Variants in ARHGAP15 observed in about 807,000 individuals in gnomAD.
ARHGAP15 encodes the protein Rho GTPase activating protein 15, also known as rho GTPase-activating protein 15.
ARHGAP15 carries 51 observed loss-of-function variants against 63.7 expected under a neutral mutation model. The ratio of observed to expected loss-of-function variants is 0.80; its 90% confidence interval spans 0.64 to 1.01. The LOEUF (loss-of-function observed/expected upper bound fraction) is 1.01. Among genes scored for constraint, ARHGAP15 ranks in the 50% least tolerant of loss-of-function variants. ARHGAP15 has a pLI of 0.00. For synonymous variants in ARHGAP15, 191 were observed against 193.8 expected, an observed-to-expected ratio of 0.99 and a Z score of 0.12; for missense variants, 560 against 564.6, an observed-to-expected ratio of 0.99 and a Z score of 0.08.
At chr2:143,480,021 T>TCACTATGAAA (rs1692001742) in intron 8 of ARHGAP15, among the ~76,000 whole-genome samples, 2 of 152,126 alleles carry the variant, frequency 1.3e-5, no homozygotes, top group Non-Finnish European at 2.9e-5. Flanking sequence ...TTAAAAGTAC[T>TCACTATGAAA]CACTATGAAA....
At chr2:143,425,298 A>G (rs1198839895) in intron 6 of ARHGAP15, among the ~76,000 whole-genome samples, 1 of 152,040 alleles carries the variant, frequency 6.6e-6, no homozygotes, top group Non-Finnish European at 1.5e-5. Flanking sequence ...TTATTTTAAT[A>G]AAAATACCAT....
rs982254480 is a variant in ARHGAP15, at chr2:143,387,853, G to A, written c.475-47748G>A. Among the ~76,000 whole-genome samples, 16 of 147,904 alleles carry A rather than the reference G, an allele frequency of 1.1e-4. No individual in the cohort carries two copies. The East Asian group carries it at 1.2e-3, about 11-fold the overall frequency. On this transcript the variant is annotated intron_variant, in intron 6 of 13. Coordinates refer to ENST00000295095, the MANE Select transcript of ARHGAP15 (RefSeq NM_018460.4). ...CACACGCATGCAAGCACACACACACGCATGGACGCACATACACATACACGC... is the reference window on the plus strand; with the variant it reads ...CACACGCATGCAAGCACACACACACACATGGACGCACATACACATACACGC...
rs987200010 is a variant in ARHGAP15, at chr2:143,450,915, G to T, written c.703+13873G>T. Reference sequence around the variant, plus strand: ...TTTGAAACCCAACAGTTTAAACTTGGTTCTTATTTCAGTGGGCTAATCCCC... The same window carrying T: ...TTTGAAACCCAACAGTTTAAACTTGTTTCTTATTTCAGTGGGCTAATCCCC... On this transcript the variant is annotated intron_variant, in intron 8 of 13. Coordinates refer to ENST00000295095, the MANE Select transcript of ARHGAP15 (RefSeq NM_018460.4). Among the ~76,000 whole-genome samples, 20 of 151,954 alleles carry T rather than the reference G, an allele frequency of 1.3e-4. 1 individual carries two copies. The highest frequency in any genetic ancestry group is 9.2e-4 in the Admixed American group (14 of 15,200).
At chr2:143,204,044 C>T (rs1032243791) in intron 3 of ARHGAP15, among the ~76,000 whole-genome samples, 2 of 152,108 alleles carry the variant, frequency 1.3e-5, no homozygotes, top group Non-Finnish European at 2.9e-5. Context: ...TCAGTCAAAA[C>T]ACTAAAAGTC....
chr2:143,691,648 A>G (rs1683605685), intron 12 of ARHGAP15, among the ~76,000 whole-genome samples: 1 of 152,182 alleles, frequency 6.6e-6, no homozygotes, highest in Non-Finnish European at 1.5e-5. Flanking sequence ...CATTATCTAA[A>G]TGGGAATGAG....
At chr2:143,443,487 AC>A (rs1357717537) in intron 8 of ARHGAP15, among the ~76,000 whole-genome samples, 1 of 151,610 alleles carries the variant, frequency 6.6e-6, no homozygotes, top group Non-Finnish European at 1.5e-5. Flanking sequence ...TTTATTCAAA[AC>A]CCTCTTGAGA....
intron 12 of ARHGAP15, among the ~76,000 whole-genome samples, chr2:143,636,376 A>G (rs922852171): frequency 6.6e-6 from 1 of 152,154 alleles, no homozygotes; most frequent in Non-Finnish European, 1.5e-5. Context: ...GGAAATTTCT[A>G]TGTGCTTGTG....
chr2:143,762,616 T>C (rs571189922), intron 13 of ARHGAP15, among the ~76,000 whole-genome samples: 6 of 152,298 alleles, frequency 3.9e-5, no homozygotes, highest in South Asian at 2.1e-4. Context: ...TTTCTTCATA[T>C]ACACTCTTCA....
At chr2:143,244,136 C>G (rs1452884245) in intron 5 of ARHGAP15, among the ~76,000 whole-genome samples, 1 of 152,084 alleles carries the variant, frequency 6.6e-6, no homozygotes, top group Non-Finnish European at 1.5e-5. Context: ...AGATATTTTT[C>G]ATTGTCATTC....
chr2:143,599,581 A>C (rs1175772899), intron 11 of ARHGAP15, among the ~76,000 whole-genome samples: 1 of 152,158 alleles, frequency 6.6e-6, no homozygotes, highest in Non-Finnish European at 1.5e-5. Flanking sequence ...ACACAACGAA[A>C]ATATTGTCAA....
chr2:143,736,899 C>A (rs1685766683), intron 13 of ARHGAP15, among the ~76,000 whole-genome samples: 1 of 152,144 alleles, frequency 6.6e-6, no homozygotes, highest in Admixed American at 6.5e-5. Context: ...CAGATCTATC[C>A]CTACCCTCAG....
intron 8 of ARHGAP15, among the ~76,000 whole-genome samples, chr2:143,467,660 T>C (rs986306620): frequency 2.6e-5 from 4 of 152,090 alleles, no homozygotes; most frequent in Non-Finnish European, 5.9e-5. Context: ...ATAGATATAA[T>C]ACATAATTCA....
intron 6 of ARHGAP15, among the ~76,000 whole-genome samples, chr2:143,313,640 T>C (rs897227678): frequency 6.6e-6 from 1 of 152,210 alleles, no homozygotes; most frequent in African/African-American, 2.4e-5. Flanking sequence ...TAGATGTTTG[T>C]AACATAACGA....
chr2:143,610,576 G>A (rs1350883308), intron 11 of ARHGAP15, among the ~76,000 whole-genome samples: 1 of 152,132 alleles, frequency 6.6e-6, no homozygotes, highest in Non-Finnish European at 1.5e-5. Context: ...AACAACCCAT[G>A]TGTTTCATTC....
chr2:143,566,491 T>C (rs1696228652), intron 11 of ARHGAP15, among the ~76,000 whole-genome samples: 1 of 152,018 alleles, frequency 6.6e-6, no homozygotes, highest in South Asian at 2.1e-4. Flanking sequence ...TTGCAATCTA[T>C]CAGCTAAGAA....
chr2:143,392,457 T>C (rs932384599), intron 6 of ARHGAP15, among the ~76,000 whole-genome samples: 31 of 152,208 alleles, frequency 2.0e-4, no homozygotes, highest in African/African-American at 7.5e-4. Flanking sequence ...TTTAAAATCC[T>C]ATACATACAA....
At chr2:143,608,689 T>C (rs1429238744) in intron 11 of ARHGAP15, 3 of 152,314 alleles carry the variant, frequency 2.0e-5, no homozygotes, top group East Asian at 3.9e-4. Context: ...AGCCGACTAA[T>C]AAATAAATAA....
intron 1 of ARHGAP15, among the ~76,000 whole-genome samples, chr2:143,137,513 T>C (rs987004462): frequency 3.9e-5 from 6 of 152,042 alleles, no homozygotes; most frequent in Non-Finnish European, 5.9e-5. Context: ...TTTTAGTAAG[T>C]TGGCAGTGAT....
At chr2:143,443,788 A>G (rs937390513) in intron 8 of ARHGAP15, among the ~76,000 whole-genome samples, 9 of 152,184 alleles carry the variant, frequency 5.9e-5, no homozygotes, top group Non-Finnish European at 1.0e-4. Flanking sequence ...AGTATTATGC[A>G]TGAAGGTCCC....
Sources: gnomAD v4.1 joint callset for allele counts (sites outside exome capture counted in the v4.1 genomes callset) on GRCh38, gnomAD v4.1.1 for gene constraint, MANE v1.5 for transcripts, NCBI Gene and HGNC (gene_info 2026-07-23, HGNC 2026-07-21) for gene names.